OXNAD1: variants seen among roughly 807,000 people sequenced by gnomAD.
OXNAD1 encodes oxidoreductase NAD-binding domain-containing protein 1.
A neutral mutation model predicts 32.9 loss-of-function variants in OXNAD1; 34 were observed. The ratio of observed to expected loss-of-function variants is 1.03; its 90% CI spans 0.79 to 1.38. The LOEUF (loss-of-function observed/expected upper bound fraction) is 1.38, where lower values mean the gene tolerates loss of function less well. Among genes scored for constraint, OXNAD1 ranks in the 40% most tolerant of loss-of-function variants. The pLI is 0.00. For synonymous variants in OXNAD1, 134 were observed against 135.2 expected, an observed-to-expected ratio of 0.99 and a Z score of 0.06; for missense variants, 407 against 379.4, an observed-to-expected ratio of 1.07 and a Z score of -0.60.
At chr3:16,295,443 T>C (rs1272923923) in intron 6 of OXNAD1, among the ~76,000 whole-genome samples, 2 of 152,182 alleles carry the variant, frequency 1.3e-5, no homozygotes, top group African/African-American at 2.4e-5. Context: ...CACGGTGCCA[T>C]TGCCTCTCTA....
rs921450795 is a variant in OXNAD1 at position 16,321,793 on chromosome 3, T to C, written c.*31-15319T>C. Among the ~76,000 whole-genome samples the C allele has an allele frequency of 3.9e-5, 6 of 152,218 alleles. No homozygotes were observed. Among genetic ancestry groups the C allele is most frequent in the African/African-American group, 1.2e-4 (5 of 41,454 alleles). Reference sequence around the variant, plus strand: ...AAAAAACAGTGGGTCCCATCCTCTCTGAATTTTCCCTGAGGAGAGTCAGTT... The same window carrying C: ...AAAAAACAGTGGGTCCCATCCTCTCCGAATTTTCCCTGAGGAGAGTCAGTT... On this transcript the variant is annotated intron_variant, in intron 9 of 9. Transcript: ENST00000435829. The surrounding 1 kb of genome is among the most constrained non-coding windows in gnomAD (Gnocchi z 4.8).
chr3:16,328,158 GCTCTC>G (rs2069921561), intron 9 of OXNAD1, among the ~76,000 whole-genome samples: 1 of 152,256 alleles, frequency 6.6e-6, no homozygotes, highest in African/African-American at 2.4e-5. Context: ...AAACCTAAGG[GCTCTC>G]TGGCAGGGCC....
intron 4 of OXNAD1, among the ~76,000 whole-genome samples, chr3:16,279,159 C>CTT (rs1373480824): frequency 6.6e-6 from 1 of 152,242 alleles, no homozygotes; most frequent in Non-Finnish European, 1.5e-5. Context: ...TGGCTTCACA[C>CTT]TGTCAGCAGT....
At chr3:16,323,242 A>C in intron 9 of OXNAD1, 1 of 650,426 alleles carries the variant, frequency 1.5e-6, no homozygotes, top group Non-Finnish European at 2.7e-6. Context: ...TCGGGTTGCC[A>C]GGGGCTCAGG....
chr3:16,295,746 CA>C (rs951870318), intron 6 of OXNAD1, among the ~76,000 whole-genome samples: 16 of 152,116 alleles, frequency 1.1e-4, no homozygotes, highest in African/African-American at 3.6e-4. Flanking sequence ...ACCTCCATCC[CA>C]ACCAGGCATT....
In OXNAD1 at chr3:16,303,266, G is replaced by T. The variant is rs1316279416; in HGVS notation, c.785-142G>T. Reference sequence around the variant, plus strand: ...TGGGTCTGGGCCCAGATGCCAATAGGAGCCATACTGTGAATGGCTTAAGAA... The same window carrying T: ...TGGGTCTGGGCCCAGATGCCAATAGTAGCCATACTGTGAATGGCTTAAGAA... On this transcript the variant is annotated intron_variant, in intron 8 of 8. Transcript: ENST00000285083. The surrounding 1 kb of genome is among the most constrained non-coding windows in gnomAD (Gnocchi z 4.8). The T allele has an allele frequency of 3.4e-5, 32 of 931,436 alleles. No homozygotes were observed. The highest frequency in any genetic ancestry group is 8.3e-5 in the South Asian group (5 of 60,342). 57.7% of individuals were successfully genotyped at this position (931,436 alleles called of 1,614,324 possible).
In OXNAD1 at chr3:16,324,621, C is replaced by CCCCCCG. The variant is rs957893120; in HGVS notation, c.*31-12490_*31-12489insCCCCGC. ...ATAACAGAATGTCCCTGACCCCCCCCCTTTTAAGGTTGCATAGTATTCCAT... is the reference window on the plus strand; with the variant it reads ...ATAACAGAATGTCCCTGACCCCCCCCCCCCCGCTTTTAAGGTTGCATAGTATTCCAT... On this transcript the variant is annotated intron_variant, in intron 9 of 9. Coordinates refer to the OXNAD1 transcript ENST00000435829. 2.8e-3 allele frequency among the ~76,000 whole-genome samples: 387 copies of CCCCCCG among 136,544 alleles called. 17 individuals carry two copies. The highest frequency in any genetic ancestry group is 4.4e-3 in the Non-Finnish European group (270 of 61,238). The allele number at this position is 136,544 out of a possible 152,430, so 89.6% of individuals were successfully genotyped here. A position where few individuals can be genotyped will look rare whatever the true frequency, so the allele number is the denominator to read the frequency against.
intron 9 of OXNAD1, among the ~76,000 whole-genome samples, chr3:16,326,207 G>A (rs1008128062): frequency 2.0e-5 from 3 of 152,228 alleles, no homozygotes; most frequent in Non-Finnish European, 4.4e-5. Flanking sequence ...GCTGAGAGTG[G>A]ACAAATGAGC....
rs547039836 is a variant in OXNAD1, at chr3:16,336,967, A to G, written c.*31-145A>G. 4 of 152,368 alleles carry G rather than the reference A, an allele frequency of 2.6e-5. No individual in the cohort carries two copies. Among genetic ancestry groups the G allele is most frequent in the South Asian group, 4.1e-4 (2 of 4,830 alleles). The allele number at this position is 152,368 out of a possible 1,614,324, so 9.4% of individuals were successfully genotyped here. ...CCAACACAGCTCGGCAGCTCCTCCC[A>G]TAAGAGGGAGAGTCCCTCTGGTCAC... On this transcript the variant is annotated intron_variant, in intron 9 of 9. Coordinates refer to the OXNAD1 transcript ENST00000435829. The surrounding 1 kb of genome is among the most constrained non-coding windows in gnomAD (Gnocchi z 6.0).
At position 16,301,759 on chromosome 3, in the gene OXNAD1, G is replaced by A. The variant is rs539458658; in HGVS notation, c.566G>A (p.Arg189Gln). 1.1e-5 allele frequency: 18 copies of A among 1,613,978 alleles called. No individual in the cohort carries two copies. Among genetic ancestry groups the A allele is most frequent in the East Asian group, 6.7e-5 (3 of 44,862 alleles). The change falls in exon 7 of 9, where the codon CGG becomes CAG. Residue 189 changes from arginine to glutamine, a missense_variant. Physicochemically the swap from Arg to Gln is conservative, Grantham distance 43. Transcript: ENST00000285083. This position sits in a 1 kb window ranked among gnomAD's most constrained non-coding sequence, Gnocchi z 4.1. Reference sequence around the variant, plus strand: ...ATTAACCCTCTGCTTTCCATCCTGCGGCACGCAGCAGATCTCCTCAGAGAG... The same window carrying A: ...ATTAACCCTCTGCTTTCCATCCTGCAGCACGCAGCAGATCTCCTCAGAGAG... ...VGINPLLSILRHAADLLREQA... is the reference protein window; with the variant it reads ...VGINPLLSILQHAADLLREQA...
intron 4 of OXNAD1, among the ~76,000 whole-genome samples, chr3:16,273,039 T>C (rs892912803): frequency 6.6e-6 from 1 of 152,164 alleles, no homozygotes; most frequent in Non-Finnish European, 1.5e-5. Context: ...ATAGACAGTA[T>C]GTATACAAAT....
At chr3:16,291,624 G>T (rs1486439073) in intron 5 of OXNAD1, among the ~76,000 whole-genome samples, 1 of 152,138 alleles carries the variant, frequency 6.6e-6, no homozygotes, top group Non-Finnish European at 1.5e-5. Context: ...GCCACATTTT[G>T]TTTATATCTT....
In OXNAD1 at chr3:16,301,534, T is replaced by A; in HGVS notation, c.433-92T>A. ...TAAAAATAGTCTTAAATACTGATAATACAGGAGATAGACCCAGTTTTATTA... is the reference window on the plus strand; with the variant it reads ...TAAAAATAGTCTTAAATACTGATAAAACAGGAGATAGACCCAGTTTTATTA... On this transcript the variant is annotated intron_variant, in intron 6 of 8. Coordinates refer to ENST00000285083, the MANE Select transcript of OXNAD1 (RefSeq NM_138381.5). This position sits in a 1 kb window ranked among gnomAD's most constrained non-coding sequence, Gnocchi z 4.1. 3 of 1,423,752 alleles carry A rather than the reference T, an allele frequency of 2.1e-6. No individual in the cohort carries two copies. The South Asian group carries it at 3.9e-5, about 19-fold the overall frequency. The allele number at this position is 1,423,752 out of a possible 1,614,324, so 88.2% of individuals were successfully genotyped here.
At chr3:16,278,698 C>T (rs948059658) in intron 4 of OXNAD1, among the ~76,000 whole-genome samples, 1 of 152,192 alleles carries the variant, frequency 6.6e-6, no homozygotes, top group Non-Finnish European at 1.5e-5. Flanking sequence ...CAGAATATGA[C>T]ACTCTGTTTA....
At chr3:16,272,172 C>T in intron 4 of OXNAD1, 1 of 453,834 alleles carries the variant, frequency 2.2e-6, no homozygotes, top group Non-Finnish European at 4.4e-6. Flanking sequence ...AGGGAGAAAG[C>T]ACTAACATCT....
rs145682647 is a variant in OXNAD1 at position 16,286,099 on chromosome 3, A to G, written c.184-243A>G. 4.8e-3 allele frequency among the ~76,000 whole-genome samples: 724 copies of G among 152,348 alleles called. 6 individuals are homozygous for G. The highest frequency in any genetic ancestry group is 8.0e-3 in the Non-Finnish European group (546 of 68,044). On this transcript the variant is annotated intron_variant, in intron 4 of 8. Transcript: ENST00000285083. ...GCCGGTTAAAAGATCCCTTGAATAG[A>G]TGATTTTTGAATGTAGGATAAAATT...
Position 16,271,772 on chromosome 3 carries a change from G to C in OXNAD1, c.183+50G>C. 1 of 1,512,784 alleles carries C rather than the reference G, an allele frequency of 6.6e-7. No homozygotes were observed. The highest frequency in any genetic ancestry group is 2.3e-5 in the East Asian group (1 of 43,838). The allele number at this position is 1,512,784 out of a possible 1,614,324, so 93.7% of individuals were successfully genotyped here. A position where few individuals can be genotyped will look rare whatever the true frequency, so the allele number is the denominator to read the frequency against. On this transcript the variant is annotated intron_variant, in intron 4 of 8. Transcript: ENST00000285083. This position sits in a 1 kb window ranked among gnomAD's most constrained non-coding sequence, Gnocchi z 4.6. ...GTTTTTCCAGCTAGACCGTTTACAT[G>C]TGGTTATGACTGGCTTATGGGTAAA...
At chr3:16,350,808 C>G (rs1026053558), downstream of OXNAD1, among the ~76,000 whole-genome samples, 9 of 152,110 alleles carry the variant, frequency 5.9e-5, no homozygotes, top group Non-Finnish European at 1.0e-4. Flanking sequence ...GTCTTTGGCA[C>G]TAAAGACTAT....
At chr3:16,300,217 A>C (rs2067081420) in intron 6 of OXNAD1, among the ~76,000 whole-genome samples, 1 of 152,238 alleles carries the variant, frequency 6.6e-6, no homozygotes, top group Non-Finnish European at 1.5e-5. Flanking sequence ...TTTTTTAAAT[A>C]ACATAATTCT....
Sources: gnomAD v4.1 joint callset for allele counts (sites outside exome capture counted in the v4.1 genomes callset) on GRCh38, gnomAD v4.1.1 for gene constraint, Gnocchi (gnomAD v3.1) non-coding constraint, MANE v1.5 for transcripts, NCBI Gene and HGNC (gene_info 2026-07-23, HGNC 2026-07-21) for gene names.